Variants in KCNIP4 observed in about 807,000 individuals in gnomAD.
KCNIP4 encodes Kv channel-interacting protein 4.
Under a neutral mutation model 34.0 loss-of-function variants are expected in KCNIP4, and 12 were observed. The ratio of observed to expected loss-of-function variants is 0.35; its 90% CI spans 0.23 to 0.57. KCNIP4 has a LOEUF of 0.57. Among genes scored for constraint, KCNIP4 ranks in the 20% least tolerant of loss-of-function variants. The probability of loss-of-function intolerance (pLI) is 0.83; values close to 1 mark genes in which losing one functional copy is unlikely to be tolerated. For synonymous variants in KCNIP4, 124 were observed against 102.2 expected (o/e 1.21, Z -1.29); for missense variants, 238 against 311.7 (o/e 0.76, Z 1.78).
At chr4:21,651,335 G>T (rs930062703) in intron 1 of KCNIP4, among the ~76,000 whole-genome samples, 1 of 152,186 alleles carries the variant, frequency 6.6e-6, no homozygotes, top group Non-Finnish European at 1.5e-5. Context: ...GACAGAGAAG[G>T]CAAGGAGAGG....
intron 2 of KCNIP4, 65 bp from the exon 3 acceptor site, chr4:20,850,732 A>G: frequency 2.6e-6 from 4 of 1,545,198 alleles, no homozygotes; most frequent in Non-Finnish European, 3.5e-6. Context: ...ACACAGAGCA[A>G]CAAAGGAAAA....
intron 1 of KCNIP4, among the ~76,000 whole-genome samples, chr4:21,361,950 C>T (rs1432899473): frequency 6.6e-6 from 1 of 151,974 alleles, no homozygotes; most frequent in East Asian, 1.9e-4. Context: ...TCCTCTATAA[C>T]CCGTCACACC....
chr4:21,175,000 A>G (rs1416452083), intron 1 of KCNIP4, among the ~76,000 whole-genome samples: 3 of 151,800 alleles, frequency 2.0e-5, no homozygotes, highest in Admixed American at 6.6e-5. Flanking sequence ...TTTTTTACAG[A>G]TAAGGACACT....
At chr4:21,552,291 GTTGA>G (rs1421690378) in intron 1 of KCNIP4, among the ~76,000 whole-genome samples, 3 of 152,042 alleles carry the variant, frequency 2.0e-5, no homozygotes, top group Non-Finnish European at 4.4e-5. Context: ...AAATGAAACT[GTTGA>G]TTAATTTATT....
intron 1 of KCNIP4, among the ~76,000 whole-genome samples, chr4:21,675,288 C>G (rs940443723): frequency 5.9e-5 from 9 of 152,090 alleles, no homozygotes; most frequent in Middle Eastern, 3.4e-3. Context: ...TGTCGGTTAC[C>G]AGAGGCTGGA....
At chr4:21,568,959 G>A (rs1420072626) in intron 1 of KCNIP4, among the ~76,000 whole-genome samples, 1 of 152,054 alleles carries the variant, frequency 6.6e-6, no homozygotes, top group Non-Finnish European at 1.5e-5. Context: ...TCATGGCAAG[G>A]AATGTCAAAA....
chr4:21,239,034 C>T (rs1451382077), intron 1 of KCNIP4, among the ~76,000 whole-genome samples: 20 of 151,696 alleles, frequency 1.3e-4, no homozygotes, highest in South Asian at 8.4e-4. Flanking sequence ...GAGATATAGA[C>T]CAATGGAACA....
intron 1 of KCNIP4, among the ~76,000 whole-genome samples, chr4:21,386,370 T>C (rs1229397331): frequency 6.6e-6 from 1 of 152,132 alleles, no homozygotes; most frequent in Non-Finnish European, 1.5e-5. Context: ...AGCAGGGCTA[T>C]ACTTTGACCA....
At chr4:21,503,748 T>C (rs376419766) in intron 1 of KCNIP4, among the ~76,000 whole-genome samples, 5 of 152,210 alleles carry the variant, frequency 3.3e-5, no homozygotes, top group African/African-American at 1.2e-4. Context: ...GGACATAGTT[T>C]AGCATTAATT....
intron 1 of KCNIP4, among the ~76,000 whole-genome samples, chr4:21,427,933 T>C (rs1377038748): frequency 6.6e-6 from 1 of 152,200 alleles, no homozygotes; most frequent in African/African-American, 2.4e-5. Context: ...CTGATTTTCA[T>C]GGCAGCCAAA....
At chr4:21,114,870 T>A (rs994874098) in intron 1 of KCNIP4, among the ~76,000 whole-genome samples, 1 of 152,176 alleles carries the variant, frequency 6.6e-6, no homozygotes, top group Non-Finnish European at 1.5e-5. Flanking sequence ...GCTGTTGAAC[T>A]TGGCAGCAGT....
chr4:21,681,657 T>C (rs1018642324), intron 1 of KCNIP4, among the ~76,000 whole-genome samples: 5 of 152,190 alleles, frequency 3.3e-5, no homozygotes, highest in African/African-American at 9.6e-5. Context: ...TATTAGACCA[T>C]TCTTGCATTG....
At chr4:21,150,391 C>A (rs1235638727) in intron 1 of KCNIP4, among the ~76,000 whole-genome samples, 1 of 145,004 alleles carries the variant, frequency 6.9e-6, no homozygotes, top group Non-Finnish European at 1.5e-5. Flanking sequence ...TATGTTGGGT[C>A]ACTTGCAAAG....
intron 1 of KCNIP4, among the ~76,000 whole-genome samples, chr4:20,900,821 AC>A (rs1268320155): frequency 1.3e-5 from 2 of 152,012 alleles, no homozygotes; most frequent in Non-Finnish European, 2.9e-5. Context: ...AAAAAAAAAC[AC>A]CCAAGGATAT....
At chr4:20,919,095 G>C (rs1368669352) in intron 1 of KCNIP4, among the ~76,000 whole-genome samples, 1 of 152,176 alleles carries the variant, frequency 6.6e-6, no homozygotes, top group Non-Finnish European at 1.5e-5. Context: ...GGGCTGATGT[G>C]AGAGGAAAAG....
intron 1 of KCNIP4, among the ~76,000 whole-genome samples, chr4:21,901,717 C>T (rs1727712991): frequency 1.3e-5 from 2 of 152,122 alleles, no homozygotes; most frequent in African/African-American, 4.8e-5. Context: ...TATTACTACG[C>T]ATTCTTTAAT....
intron 1 of KCNIP4, among the ~76,000 whole-genome samples, chr4:21,895,987 A>T (rs1382975915): frequency 6.6e-6 from 1 of 152,158 alleles, no homozygotes; most frequent in Admixed American, 6.6e-5. Flanking sequence ...ATGTTGGTGG[A>T]AAGCTGTTTG....
Position 20,729,904 on chromosome 4 carries a change from C to A in KCNIP4, c.*178G>T. On this transcript the variant is annotated 3_prime_UTR_variant, in exon 9 of 9. Coordinates refer to ENST00000382152, the MANE Select transcript of KCNIP4 (RefSeq NM_025221.6). ...ACTCAGTGGCATTATGAAAAGGATGCAAATTTATAACTGAAAGCTCAAATC... is the reference window on the plus strand; with the variant it reads ...ACTCAGTGGCATTATGAAAAGGATGAAAATTTATAACTGAAAGCTCAAATC... 1.6e-6 allele frequency: 1 copy of A among 613,532 alleles called. No homozygotes were observed. Among genetic ancestry groups the A allele is most frequent in the South Asian group, 3.9e-5 (1 of 25,864 alleles). The allele number at this position is 613,532 out of a possible 1,614,324, so 38.0% of individuals were successfully genotyped here. A position where few individuals can be genotyped will look rare whatever the true frequency, so the allele number is the denominator to read the frequency against.
At chr4:21,617,183 A>T (rs191871547) in intron 1 of KCNIP4, among the ~76,000 whole-genome samples, 11 of 152,284 alleles carry the variant, frequency 7.2e-5, no homozygotes, top group African/African-American at 2.2e-4. Flanking sequence ...GCCTTCTTTC[A>T]CCATGGTTTT....
Sources: gnomAD v4.1 joint callset for allele counts (sites outside exome capture counted in the v4.1 genomes callset) on GRCh38, gnomAD v4.1.1 for gene constraint, MANE v1.5 for transcripts, NCBI Gene and HGNC (gene_info 2026-07-23, HGNC 2026-07-21) for gene names.